Variants in FAM117A observed in about 807,000 individuals in gnomAD.
FAM117A encodes protein FAM117A.
A neutral mutation model predicts 44.1 loss-of-function variants in FAM117A; 21 were observed. The ratio of observed to expected loss-of-function variants is 0.48; its 90% CI spans 0.34 to 0.69. The LOEUF (loss-of-function observed/expected upper bound fraction) is 0.69, where lower values mean the gene tolerates loss of function less well. Among genes scored for constraint, FAM117A ranks in the 30% least tolerant of loss-of-function variants. The pLI is 0.01. For missense variants in FAM117A, 498 were observed against 589.9 expected (o/e 0.84, Z 1.61); for synonymous variants, 220 against 238.3 (o/e 0.92, Z 0.71).
intron 1 of FAM117A, among the ~76,000 whole-genome samples, chr17:49,786,708 C>T (rs1471646980): frequency 2.0e-5 from 3 of 146,668 alleles, no homozygotes; most frequent in East Asian, 2.0e-4. Flanking sequence ...ACCCGGGAGG[C>T]GGAGGCTGCG....
upstream of FAM117A, among the ~76,000 whole-genome samples, chr17:49,766,197 G>A (rs192224557): frequency 2.9e-4 from 44 of 152,340 alleles, no homozygotes; most frequent in Non-Finnish European, 5.1e-4. Context: ...CAGGTAGCCT[G>A]ACTCCAGAGC....
chr17:49,727,148 C>A (rs545646644), intron 2 of FAM117A, among the ~76,000 whole-genome samples: 1 of 152,062 alleles, frequency 6.6e-6, no homozygotes, highest in Non-Finnish European at 1.5e-5. Context: ...TGCCTGTAAT[C>A]CCAGCACTTT....
chr17:49,716,245 G>A lies in FAM117A; in HGVS notation c.981C>T (p.Ser327=), dbSNP rs771953442. 6.2e-7 allele frequency: 1 copy of A among 1,613,266 alleles called. No individual in the cohort carries two copies. The highest frequency in any genetic ancestry group is 2.2e-5 in the East Asian group (1 of 44,854). ...SPSPVLAFAA[S]PRPNHSYIFK... is the part of the protein sequence containing the mutation. Reference sequence around the variant, plus strand: ...AGATGTAGCTATGATTAGGTCGAGGGGAGGCAGCAAAGGCAAGGACTGGAG... The same window carrying A: ...AGATGTAGCTATGATTAGGTCGAGGAGAGGCAGCAAAGGCAAGGACTGGAG... Residue 327 remains serine, a synonymous_variant, in exon 7 of 8, where the codon TCC becomes TCT. Transcript: ENST00000240364.
chr17:49,766,524 C>T (rs1197697483), upstream of FAM117A, among the ~76,000 whole-genome samples: 3 of 152,186 alleles, frequency 2.0e-5, no homozygotes, highest in Non-Finnish European at 4.4e-5. Flanking sequence ...AGATTCAATG[C>T]TTTCCCAACC....
At chr17:49,721,369 A>G (rs1393217523) in intron 3 of FAM117A, among the ~76,000 whole-genome samples, 1 of 152,098 alleles carries the variant, frequency 6.6e-6, no homozygotes, top group Non-Finnish European at 1.5e-5. Context: ...TGCTACCCAC[A>G]GCCATAAGAT....
chr17:49,714,274 T>C (rs764428541), intron 7 of FAM117A, among the ~76,000 whole-genome samples: 3 of 151,174 alleles, frequency 2.0e-5, no homozygotes, highest in Non-Finnish European at 4.4e-5. Context: ...GAAACCTCAG[T>C]GAACTACAGA....
intron 1 of FAM117A, among the ~76,000 whole-genome samples, chr17:49,745,665 A>G (rs1010422594): frequency 4.6e-5 from 7 of 152,242 alleles, no homozygotes; most frequent in Non-Finnish European, 8.8e-5. Context: ...CAGGAAATAC[A>G]GGGGATAGAG....
chr17:49,749,633 G>C (rs1219835885), intron 1 of FAM117A, among the ~76,000 whole-genome samples: 4 of 146,204 alleles, frequency 2.7e-5, no homozygotes, highest in Non-Finnish European at 6.1e-5. Context: ...CAGTGAGAGT[G>C]TTTCTTAGTC....
At chr17:49,749,600 TGG>T (rs2073668256) in intron 1 of FAM117A, among the ~76,000 whole-genome samples, 3 of 108,134 alleles carry the variant, frequency 2.8e-5, no homozygotes, top group Non-Finnish European at 5.9e-5. Flanking sequence ...AAAAAAAAAA[TGG>T]AGATTGTTGA....
At chr17:49,721,695 G>A (rs1236999219) in intron 3 of FAM117A, among the ~76,000 whole-genome samples, 3 of 152,204 alleles carry the variant, frequency 2.0e-5, no homozygotes, top group Non-Finnish European at 2.9e-5. Flanking sequence ...TCCAGCCTAC[G>A]GCTTTCTCCC....
Position 49,720,476 on chromosome 17 carries a change from A to G in FAM117A, c.463-40T>C, listed in dbSNP as rs769295325. 2.6e-6 allele frequency: 4 copies of G among 1,546,378 alleles called. No individual in the cohort carries two copies. The South Asian group carries it at 4.4e-5, about 17-fold the overall frequency. ...AGAAGACGACAGAGGCAGATTAAGG[A>G]AAGCCAAAGTGCACTGGGTCCCTCT... On this transcript the variant is annotated intron_variant, in intron 3 of 7. Transcript: ENST00000240364.
chr17:49,758,549 G>T (rs944851743), intron 1 of FAM117A, among the ~76,000 whole-genome samples: 1 of 149,440 alleles, frequency 6.7e-6, no homozygotes, highest in Non-Finnish European at 1.5e-5. Flanking sequence ...GCTTGAACCT[G>T]GGAGGCGGAG....
At chr17:49,765,578 G>A (rs774733727), upstream of FAM117A, 9 of 152,288 alleles carry the variant, frequency 5.9e-5, no homozygotes, top group Non-Finnish European at 7.4e-5. Flanking sequence ...GGAACATACC[G>A]AAGAAAGGTT....
intron 1 of FAM117A, among the ~76,000 whole-genome samples, chr17:49,761,539 A>T (rs1039894534): frequency 6.6e-6 from 1 of 152,242 alleles, no homozygotes; most frequent in Non-Finnish European, 1.5e-5. Flanking sequence ...GAGGAAACTA[A>T]GACACAGAAA....
At chr17:49,744,076 T>C (rs2143757573) in intron 1 of FAM117A, among the ~76,000 whole-genome samples, 1 of 152,298 alleles carries the variant, frequency 6.6e-6, no homozygotes, top group East Asian at 1.9e-4. Context: ...CATGACTTAT[T>C]TTTGGCTCCA....
At position 49,753,793 on chromosome 17, in the gene FAM117A, C is replaced by CAAAA. The variant is rs748313630; in HGVS notation, c.196+10098_196+10099insTTTT. 4.1e-4 allele frequency among the ~76,000 whole-genome samples: 63 copies of CAAAA among 152,100 alleles called. 1 individual carries two copies. The highest frequency in any genetic ancestry group is 6.0e-4 in the Non-Finnish European group (41 of 68,008). ...AGTGAGACTCTGTCTCAAAAACAAA[C>CAAAA]AAACAAACAAACAAAAAACCTAATG... On this transcript the variant is annotated intron_variant, in intron 1 of 7. Coordinates refer to ENST00000240364, the MANE Select transcript of FAM117A (RefSeq NM_030802.4).
At chr17:49,764,147 G>A, upstream of FAM117A, 2 of 858,994 alleles carry the variant, frequency 2.3e-6, no homozygotes, top group Non-Finnish European at 3.1e-6. Flanking sequence ...CCCAACCCCC[G>A]AGGCCGCTGC....
At chr17:49,757,274 A>G (rs373937019) in intron 1 of FAM117A, among the ~76,000 whole-genome samples, 6 of 152,042 alleles carry the variant, frequency 3.9e-5, no homozygotes, top group African/African-American at 1.4e-4. Context: ...ATGTCTGTAC[A>G]TGGCCTGGAC....
chr17:49,733,006 T>C lies in FAM117A; in HGVS notation c.197-286A>G, dbSNP rs556663353. ...TATCCTTTTCCTGCTCCTAATGGACTATGAACCGTGAACTCCTAGATCTCC... is the reference window on the plus strand; with the variant it reads ...TATCCTTTTCCTGCTCCTAATGGACCATGAACCGTGAACTCCTAGATCTCC... On this transcript the variant is annotated intron_variant, in intron 1 of 7. Coordinates refer to ENST00000240364, the MANE Select transcript of FAM117A (RefSeq NM_030802.4). 10 of 342,618 alleles carry C rather than the reference T, an allele frequency of 2.9e-5. No homozygotes were observed. In the South Asian group the frequency reaches 4.5e-4, roughly 15 times the overall value. The allele number at this position is 342,618 out of a possible 1,614,324, so 21.2% of individuals were successfully genotyped here. A position where few individuals can be genotyped will look rare whatever the true frequency, so the allele number is the denominator to read the frequency against.
Sources: allele counts gnomAD v4.1 joint callset (sites outside exome capture counted in the v4.1 genomes callset), GRCh38; gene constraint gnomAD v4.1.1; transcripts MANE v1.5; gene names NCBI Gene and HGNC (gene_info 2026-07-23, HGNC 2026-07-21).